Variants in MGMT observed in about 807,000 individuals in gnomAD.
MGMT encodes methylated-DNA--protein-cysteine methyltransferase.
MGMT carries 14 observed loss-of-function variants against 15.9 expected under a neutral mutation model. That is an observed-to-expected ratio of 0.88 (90% CI 0.58 to 1.37). MGMT has a LOEUF of 1.37. MGMT is among the 40% of genes most tolerant of loss of function. The probability of loss-of-function intolerance (pLI) is 0.00; values close to 1 mark genes in which losing one functional copy is unlikely to be tolerated. For synonymous variants in MGMT, 130 were observed against 118.2 expected, an observed-to-expected ratio of 1.10 and a Z score of -0.65; for missense variants, 282 against 268.1, an observed-to-expected ratio of 1.05 and a Z score of -0.36.
intron 3 of MGMT, among the ~76,000 whole-genome samples, chr10:129,737,693 C>T (rs1201373835): frequency 1.3e-5 from 2 of 152,056 alleles, no homozygotes; most frequent in Non-Finnish European, 2.9e-5. Context: ...TTTTATCTAC[C>T]TTTGGTCTTT....
At chr10:129,678,686 C>G (rs1224957512) in intron 2 of MGMT, among the ~76,000 whole-genome samples, 1 of 152,146 alleles carries the variant, frequency 6.6e-6, no homozygotes, top group African/African-American at 2.4e-5. Flanking sequence ...GCGAAATCCA[C>G]TCCCTAATGT....
chr10:129,492,041 A>G (rs957125064), intron 1 of MGMT, among the ~76,000 whole-genome samples: 1 of 152,138 alleles, frequency 6.6e-6, no homozygotes, highest in East Asian at 1.9e-4. Context: ...TTGTGCATAA[A>G]GGACTGTAAA....
At chr10:129,512,422 A>G (rs1043033156) in intron 1 of MGMT, among the ~76,000 whole-genome samples, 6 of 152,144 alleles carry the variant, frequency 3.9e-5, no homozygotes, top group Non-Finnish European at 4.4e-5. Context: ...TCACCACCTG[A>G]GGCGTGTTCA....
intron 1 of MGMT, among the ~76,000 whole-genome samples, chr10:129,503,650 G>A (rs1017795096): frequency 7.9e-5 from 12 of 152,212 alleles, no homozygotes; most frequent in African/African-American, 1.9e-4. Flanking sequence ...AATTGGCAAC[G>A]AGAATGCATT....
chr10:129,694,133 G>C (rs1391730472), intron 2 of MGMT: 1 of 152,258 alleles, frequency 6.6e-6, no homozygotes, highest in Non-Finnish European at 1.5e-5. Flanking sequence ...GTTGAATGGC[G>C]CCTTTGAGTT....
intron 2 of MGMT, among the ~76,000 whole-genome samples, chr10:129,546,236 C>A (rs1846097084): frequency 1.3e-5 from 2 of 152,244 alleles, no homozygotes; most frequent in East Asian, 3.9e-4. Context: ...AGCTCAGGGG[C>A]AGACAGGGGC....
Position 129,768,803 on chromosome 10 carries a change from G to A in MGMT, c.*1806G>A, listed in dbSNP as rs11016918. ...GGATTTGAAGGAGGGTGGCTGGGCGGCACCCCGATGGCTCCCTGTGCTCCC... is the reference window on the plus strand; with the variant it reads ...GGATTTGAAGGAGGGTGGCTGGGCGACACCCCGATGGCTCCCTGTGCTCCC... On this transcript the variant is annotated 3_prime_UTR_variant, in exon 5 of 5. Coordinates refer to ENST00000651593, the MANE Select transcript of MGMT (RefSeq NM_002412.5). The A allele has an allele frequency of 0.087, 13,219 of 152,494 alleles. 818 individuals are homozygous for A. Among genetic ancestry groups the A allele is most frequent in the Non-Finnish European group, 0.13 (8,766 of 68,168 alleles). 9.4% of individuals were successfully genotyped at this position (152,494 alleles called of 1,614,324 possible).
At chr10:129,513,481 C>T (rs1027691196) in intron 1 of MGMT, among the ~76,000 whole-genome samples, 3 of 152,154 alleles carry the variant, frequency 2.0e-5, no homozygotes, top group African/African-American at 7.2e-5. Flanking sequence ...TTGGCACCAC[C>T]GGCGACCCCT....
At chr10:129,678,862 G>A (rs1002783084) in intron 2 of MGMT, among the ~76,000 whole-genome samples, 8 of 151,918 alleles carry the variant, frequency 5.3e-5, no homozygotes, top group African/African-American at 7.3e-5. Context: ...ACTTGAAGTC[G>A]GGAGTTCGAG....
intron 2 of MGMT, among the ~76,000 whole-genome samples, chr10:129,615,825 A>G (rs966432023): frequency 2.8e-4 from 43 of 152,236 alleles, no homozygotes; most frequent in Middle Eastern, 3.4e-3. Context: ...GACTGAGGGG[A>G]GAGACAGGAA....
intron 1 of MGMT, among the ~76,000 whole-genome samples, chr10:129,490,827 C>T (rs1845462082): frequency 6.6e-6 from 1 of 152,090 alleles, no homozygotes; most frequent in South Asian, 2.1e-4. Flanking sequence ...TTTTTCTCCC[C>T]TTTCTGGTTA....
intron 2 of MGMT, among the ~76,000 whole-genome samples, chr10:129,654,084 T>C (rs1197218461): frequency 6.6e-6 from 1 of 152,182 alleles, no homozygotes; most frequent in East Asian, 1.9e-4. Flanking sequence ...CCTCCACGCC[T>C]GTCTGTCCTT....
intron 1 of MGMT, among the ~76,000 whole-genome samples, chr10:129,522,295 G>A (rs1420723324): frequency 6.6e-6 from 1 of 152,212 alleles, no homozygotes; most frequent in Non-Finnish European, 1.5e-5. Flanking sequence ...GGGAGAGGAG[G>A]GGCTTACTGC....
chr10:129,731,496 C>G (rs1848497475), intron 3 of MGMT, among the ~76,000 whole-genome samples: 1 of 151,482 alleles, frequency 6.6e-6, no homozygotes, highest in Non-Finnish European at 1.5e-5. Flanking sequence ...ATACACCCTG[C>G]ATATGCCGGC....
intron 2 of MGMT, among the ~76,000 whole-genome samples, chr10:129,559,093 C>G (rs965586057): frequency 6.6e-6 from 1 of 152,126 alleles, no homozygotes; most frequent in African/African-American, 2.4e-5. Context: ...TGCGTCGGAA[C>G]GTGGTGTCTT....
At chr10:129,686,864 G>A (rs1450894365) in intron 2 of MGMT, among the ~76,000 whole-genome samples, 2 of 152,342 alleles carry the variant, frequency 1.3e-5, no homozygotes, top group East Asian at 3.9e-4. Context: ...GCCTGCAGCT[G>A]TTGCCAGCAT....
At chr10:129,632,027 G>A (rs754296390) in intron 2 of MGMT, among the ~76,000 whole-genome samples, 1 of 152,092 alleles carries the variant, frequency 6.6e-6, no homozygotes, top group East Asian at 1.9e-4. Context: ...GTAAGCCACC[G>A]CGCCCAGCTT....
At chr10:129,507,738 T>C (rs767336438) in intron 1 of MGMT, among the ~76,000 whole-genome samples, 2 of 152,354 alleles carry the variant, frequency 1.3e-5, no homozygotes, top group African/African-American at 2.4e-5. Context: ...AGCCTCACAC[T>C]GTATTTCTTC....
chr10:129,614,888 G>A (rs546834020), intron 2 of MGMT, among the ~76,000 whole-genome samples: 17 of 152,304 alleles, frequency 1.1e-4, no homozygotes, highest in African/African-American at 2.2e-4. Flanking sequence ...TGTGGGTGCC[G>A]AGCGCTCCCT....
Sources: allele counts gnomAD v4.1 joint callset (sites outside exome capture counted in the v4.1 genomes callset), GRCh38; gene constraint gnomAD v4.1.1; transcripts MANE v1.5; gene names NCBI Gene and HGNC (gene_info 2026-07-23, HGNC 2026-07-21).